Variants in VIPR2 observed in about 807,000 individuals in gnomAD.
VIPR2 encodes the protein vasoactive intestinal peptide receptor 2.
VIPR2 carries 48 observed loss-of-function variants against 58.0 expected under a neutral mutation model. The ratio of observed to expected loss-of-function variants is 0.83; its 90% confidence interval spans 0.66 to 1.05. The LOEUF is 1.05. Ranked by LOEUF, VIPR2 falls within the 50% of genes least tolerant of loss-of-function variation. VIPR2 has a pLI of 0.00. For missense variants in VIPR2, 534 were observed against 558.0 expected, an observed-to-expected ratio of 0.96 and a Z score of 0.43; for synonymous variants, 243 against 235.2, an observed-to-expected ratio of 1.03 and a Z score of -0.30.
chr7:159,030,904 G>C (rs1476856122), intron 12 of VIPR2, 115 bp from the exon 13 acceptor site: 4 of 1,313,892 alleles, frequency 3.0e-6, no homozygotes, highest in Middle Eastern at 2.8e-4. Flanking sequence ...CCGTATCTGT[G>C]TTGCCAGCAG....
At chr7:159,056,267 G>A (rs919389755) in intron 5 of VIPR2, among the ~76,000 whole-genome samples, 1 of 150,464 alleles carries the variant, frequency 6.6e-6, no homozygotes, top group Non-Finnish European at 1.5e-5. Flanking sequence ...CAAAGTCCAT[G>A]AATGTGCAAG....
At chr7:159,074,146 A>C (rs1395665486) in intron 4 of VIPR2, among the ~76,000 whole-genome samples, 1 of 152,254 alleles carries the variant, frequency 6.6e-6, no homozygotes, top group Non-Finnish European at 1.5e-5. Flanking sequence ...AATCAAGAGA[A>C]GTCAACAGAA....
At chr7:159,086,880 G>A (rs1456765600) in intron 4 of VIPR2, among the ~76,000 whole-genome samples, 2 of 152,206 alleles carry the variant, frequency 1.3e-5, no homozygotes, top group Non-Finnish European at 2.9e-5. Flanking sequence ...TTGGAGGCTG[G>A]TTGTGACACC....
chr7:159,101,295 A>G (rs1231013536), intron 4 of VIPR2, among the ~76,000 whole-genome samples: 310 of 100,822 alleles, frequency 3.1e-3, no homozygotes, highest in African/African-American at 3.4e-3. Flanking sequence ...TGTTCCTGTG[A>G]TAGTGAACGG....
intron 5 of VIPR2, among the ~76,000 whole-genome samples, chr7:159,043,628 T>A (rs1854478257): frequency 6.6e-6 from 1 of 152,198 alleles, no homozygotes; most frequent in South Asian, 2.1e-4. Context: ...ATGCTGTCTT[T>A]AGCTCACCCT....
intron 4 of VIPR2, among the ~76,000 whole-genome samples, chr7:159,103,220 T>TG (rs1000740906): frequency 6.6e-6 from 1 of 152,190 alleles, no homozygotes; most frequent in Non-Finnish European, 1.5e-5. Context: ...CAGCCCGGAT[T>TG]GGGGGGTCCC....
chr7:159,108,893 G>T (rs1476384380), intron 3 of VIPR2, among the ~76,000 whole-genome samples: 1 of 152,178 alleles, frequency 6.6e-6, no homozygotes, highest in Non-Finnish European at 1.5e-5. Flanking sequence ...TAACTCAGGG[G>T]TGGGCAGTGA....
At chr7:159,138,738 C>T (rs181610629) in intron 2 of VIPR2, among the ~76,000 whole-genome samples, 3 of 152,374 alleles carry the variant, frequency 2.0e-5, no homozygotes, top group East Asian at 1.9e-4. Context: ...GACGTGTGCG[C>T]ACCCCAACTC....
At position 159,030,342 on chromosome 7, in the gene VIPR2, CAAAAAA is replaced by C. The variant is rs869158676; in HGVS notation, c.*268_*273del. 313 of 200,440 alleles carry C rather than the reference CAAAAAA, an allele frequency of 1.6e-3. No homozygotes were observed. The highest frequency in any genetic ancestry group is 5.2e-3 in the Middle Eastern group (4 of 770). The allele number at this position is 200,440 out of a possible 1,614,324, so 12.4% of individuals were successfully genotyped here. On this transcript the variant is annotated 3_prime_UTR_variant, in exon 13 of 13. Coordinates refer to ENST00000262178, the MANE Select transcript of VIPR2 (RefSeq NM_003382.5). ...TGGGCGACAGAGCGAGACTCCGTCT[CAAAAAA>C]AAAAAAAAAAAAAAAAGTGGATCCA... is the stretch of plus-strand genomic sequence containing the variant.
rs143405207 is a variant in VIPR2 at position 159,034,599 on chromosome 7, C to T, written c.861G>A (p.Pro287=). 145 of 1,613,798 alleles carry T rather than the reference C, an allele frequency of 9.0e-5. No homozygotes were observed. In the East Asian group the frequency reaches 1.8e-3, roughly 20 times the overall value. Residue 287 remains proline (P), a synonymous_variant, in exon 9 of 13, where the codon CCG becomes CCA. Coordinates refer to ENST00000262178, the MANE Select transcript of VIPR2 (RefSeq NM_003382.5). Reference sequence around the variant, plus strand: ...TACTTACGATGATGGAAATTAAAATCGGTATTCGTATGACCCACCAGGGCA... The same window carrying T: ...TACTTACGATGATGGAAATTAAAATTGGTATTCGTATGACCCACCAGGGCA... ...HSVPWWVIRI[P]ILISIIVNFV...
At chr7:159,035,021 T>G (rs1017032) in intron 8 of VIPR2, among the ~76,000 whole-genome samples, 78,587 of 152,020 alleles carry the variant, frequency 0.52, 21,322 homozygotes, top group Non-Finnish European at 0.61. Context: ...ATGGTTTGCA[T>G]GTATATGGCA....
At chr7:159,061,597 A>G (rs1855655503) in intron 4 of VIPR2, among the ~76,000 whole-genome samples, 1 of 152,050 alleles carries the variant, frequency 6.6e-6, no homozygotes, top group African/African-American at 2.4e-5. Context: ...GAGGCTGCCT[A>G]AGCTGTGATC....
At chr7:159,037,952 A>C (rs1201729672) in intron 6 of VIPR2, among the ~76,000 whole-genome samples, 1 of 152,210 alleles carries the variant, frequency 6.6e-6, no homozygotes, top group Non-Finnish European at 1.5e-5. Flanking sequence ...ACCTATACAT[A>C]TTTGTGGGTG....
intron 2 of VIPR2, among the ~76,000 whole-genome samples, chr7:159,125,782 C>T (rs536587655): frequency 5.0e-4 from 76 of 152,240 alleles, no homozygotes; most frequent in African/African-American, 1.8e-3. Flanking sequence ...TCAGGGCCAT[C>T]ATTTCCCAGC....
At chr7:159,069,956 G>A (rs1379450886) in intron 4 of VIPR2, among the ~76,000 whole-genome samples, 2 of 152,082 alleles carry the variant, frequency 1.3e-5, no homozygotes, top group Non-Finnish European at 2.9e-5. Context: ...TTGTCAACCC[G>A]GAATGTGAGC....
chr7:159,062,790 T>C (rs1400487489), intron 4 of VIPR2, among the ~76,000 whole-genome samples: 1 of 152,208 alleles, frequency 6.6e-6, no homozygotes, highest in Non-Finnish European at 1.5e-5. Flanking sequence ...TTCCCTTATC[T>C]GGCCCCACCC....
At chr7:159,121,007 A>C (rs1796432974) in intron 2 of VIPR2, among the ~76,000 whole-genome samples, 1 of 152,206 alleles carries the variant, frequency 6.6e-6, no homozygotes, top group Non-Finnish European at 1.5e-5. Flanking sequence ...CTGCTTTTTA[A>C]GCTTGGACTT....
At chr7:159,091,380 G>T (rs190718094) in intron 4 of VIPR2, among the ~76,000 whole-genome samples, 47 of 152,352 alleles carry the variant, frequency 3.1e-4, no homozygotes, top group Non-Finnish European at 2.1e-4. Context: ...ATGGATGGCT[G>T]GGGGACTGAA....
In VIPR2 at chr7:159,109,830, T is replaced by C. The variant is rs749288049; in HGVS notation, c.241A>G (p.Asn81Asp). ...ACAGTACCTGCTTTGCTGTAAAAAT[T>C]GCTGAAGACTTTTGGGCAGGGCACC... ...VTVPCPKVFS[N>D]FYSKAGNISK... Residue 81 changes from asparagine to aspartate, a missense_variant, in exon 3 of 13, where the codon AAT becomes GAT. By Grantham distance (23) the Asn-to-Asp change is conservative (BLOSUM62 1). This residue lies in a region of VIPR2 where 224 missense variants were observed against 255.7 expected (regional missense o/e 0.88). Coordinates refer to ENST00000262178, the MANE Select transcript of VIPR2 (RefSeq NM_003382.5). 1 of 1,614,044 alleles carries C rather than the reference T, an allele frequency of 6.2e-7. No homozygotes were observed. Among genetic ancestry groups the C allele is most frequent in the African/African-American group, 1.3e-5 (1 of 74,924 alleles).
Sources: allele counts gnomAD v4.1 joint callset (sites outside exome capture counted in the v4.1 genomes callset), GRCh38; gene constraint gnomAD v4.1.1; regional missense constraint gnomAD v4.1.1; transcripts MANE v1.5; gene names NCBI Gene and HGNC (gene_info 2026-07-23, HGNC 2026-07-21).